RBFOX1: variants seen among roughly 807,000 people sequenced by gnomAD.
The protein encoded by RBFOX1 is RNA binding protein fox-1 homolog 1.
Under a neutral mutation model 57.7 loss-of-function variants are expected in RBFOX1, and 8 were observed. The observed-to-expected ratio is 0.14, with a 90% CI of 0.08 to 0.25. The LOEUF is 0.25. RBFOX1 is among the 10% of genes least tolerant of loss of function. RBFOX1 has a pLI of 1.00. For synonymous variants in RBFOX1, 326 were observed against 222.4 expected (o/e 1.47, Z -4.15); for missense variants, 611 against 548.5 (o/e 1.11, Z -1.14).
intron 1 of RBFOX1, among the ~76,000 whole-genome samples, chr16:6,301,927 A>G (rs2078867389): frequency 1.3e-5 from 2 of 152,186 alleles, no homozygotes; most frequent in South Asian, 2.1e-4. Context: ...TGGCAGAAGA[A>G]CATCCTGAGG....
intron 4 of RBFOX1, among the ~76,000 whole-genome samples, chr16:5,881,550 C>G (rs1597620250): frequency 6.6e-6 from 1 of 152,092 alleles, no homozygotes; most frequent in Non-Finnish European, 1.5e-5. Context: ...TGTGGTGGCA[C>G]ATGCTTATAA....
intron 5 of RBFOX1, among the ~76,000 whole-genome samples, chr16:7,528,665 G>C (rs970636078): frequency 2.6e-5 from 4 of 152,090 alleles, no homozygotes; most frequent in Non-Finnish European, 5.9e-5. Flanking sequence ...GTGTTTTCCA[G>C]TGAACTTAGA....
intron 3 of RBFOX1, among the ~76,000 whole-genome samples, chr16:6,960,903 G>T (rs1206285710): frequency 6.7e-6 from 1 of 150,080 alleles, no homozygotes; most frequent in Non-Finnish European, 1.5e-5. Context: ...GAAGGCCAAG[G>T]TGGGCGGATC....
intron 2 of RBFOX1, among the ~76,000 whole-genome samples, chr16:6,597,751 G>C (rs180991040): frequency 6.6e-6 from 1 of 152,136 alleles, no homozygotes; most frequent in Non-Finnish European, 1.5e-5. Context: ...AGGAAAGGTA[G>C]CCAGGATTTT....
At chr16:5,366,542 A>T (rs2065720975) in intron 1 of RBFOX1, 4 of 404,900 alleles carry the variant, frequency 9.9e-6, no homozygotes, top group Non-Finnish European at 1.9e-5. Flanking sequence ...TCTGTAGAAG[A>T]TGTTAGAGCA....
rs113440236 is a variant in RBFOX1 at position 6,591,511 on chromosome 16, A to G, written c.-63-63092A>G. ...ATGCATATTATACAGAGCCCTTTCT[A>G]AAAAGAACAGCAGGGCGACCCCTGC... is the stretch of plus-strand genomic sequence containing the variant. On this transcript the variant is annotated intron_variant, in intron 2 of 15. Transcript: ENST00000550418. Among the ~76,000 whole-genome samples the G allele has an allele frequency of 2.5e-3, 384 of 152,298 alleles. 2 individuals are homozygous for G. The highest frequency in any genetic ancestry group is 0.01 in the Middle Eastern group (3 of 294).
chr16:7,326,228 G>GCA (rs2096609952), intron 4 of RBFOX1, among the ~76,000 whole-genome samples: 1 of 152,180 alleles, frequency 6.6e-6, no homozygotes, highest in African/African-American at 2.4e-5. Flanking sequence ...TAGAATGGAA[G>GCA]CACACCTGTG....
At chr16:6,142,377 G>T (rs922676682) in intron 1 of RBFOX1, among the ~76,000 whole-genome samples, 1 of 151,286 alleles carries the variant, frequency 6.6e-6, no homozygotes, top group Non-Finnish European at 1.5e-5. Context: ...GCCCGCCTCC[G>T]CACGTGGCTA....
chr16:6,618,021 C>G lies in RBFOX1; in HGVS notation c.-63-36582C>G, dbSNP rs968414084. On this transcript the variant is annotated intron_variant, in intron 2 of 15. Transcript: ENST00000550418. ...TTTCCTATCCACCTGGCAAATACCT[C>G]CTCATATGCATGCAAGACTTTGCTC... is the stretch of plus-strand genomic sequence containing the variant. 3.3e-5 allele frequency among the ~76,000 whole-genome samples: 5 copies of G among 152,248 alleles called. 1 individual carries two copies. The South Asian group carries it at 1.0e-3, about 32-fold the overall frequency.
intron 4 of RBFOX1, among the ~76,000 whole-genome samples, chr16:7,479,715 AG>A (rs928772358): frequency 5.3e-5 from 8 of 151,736 alleles, no homozygotes; most frequent in South Asian, 2.1e-4. Flanking sequence ...GGGCACCTGG[AG>A]GGGGGGCAGG....
chr16:5,364,725 GA>G (rs1461773135), intron 1 of RBFOX1, among the ~76,000 whole-genome samples: 1 of 152,214 alleles, frequency 6.6e-6, no homozygotes, highest in African/African-American at 2.4e-5. Flanking sequence ...ACAGTGAATA[GA>G]ACAAAGGTTG....
At chr16:7,417,293 A>G (rs769895521) in intron 4 of RBFOX1, among the ~76,000 whole-genome samples, 1 of 149,486 alleles carries the variant, frequency 6.7e-6, no homozygotes, top group Non-Finnish European at 1.5e-5. Context: ...GAATCACTTG[A>G]ACCTGGGAGG....
intron 5 of RBFOX1, among the ~76,000 whole-genome samples, chr16:7,550,663 G>A (rs947643092): frequency 6.6e-6 from 1 of 152,044 alleles, no homozygotes; most frequent in Non-Finnish European, 1.5e-5. Context: ...TCTAGAATAG[G>A]TACTATGCCT....
rs547509937 is a variant in RBFOX1 at position 6,426,836 on chromosome 16, C to G, written c.-64+109779C>G. ...ATTCCTGCCACATGTCTCCTGGGTT[C>G]TGCCCATAGCAGGCTCTAGCTCTCA... is the stretch of plus-strand genomic sequence containing the variant. On this transcript the variant is annotated intron_variant, in intron 2 of 15. Transcript: ENST00000550418. Among the ~76,000 whole-genome samples, 22 of 152,330 alleles carry G rather than the reference C, an allele frequency of 1.4e-4. No individual in the cohort carries two copies. The South Asian group carries it at 4.4e-3, about 30-fold the overall frequency.
rs569491562 is a variant in RBFOX1, at chr16:7,549,023, A to G, written c.270+30634A>G. On this transcript the variant is annotated intron_variant, in intron 5 of 15. Transcript: ENST00000550418. ...AGAGTAATGGCTAGCCCAGATGGTG[A>G]TAGGAGAGAAACAGAGAAGAGGGTG... Among the ~76,000 whole-genome samples, 33 of 152,340 alleles carry G rather than the reference A, an allele frequency of 2.2e-4. 1 individual carries two copies. Among genetic ancestry groups the G allele is most frequent in the African/African-American group, 7.9e-4 (33 of 41,586 alleles).
chr16:7,371,443 A>G (rs758272511), intron 4 of RBFOX1, among the ~76,000 whole-genome samples: 1 of 152,194 alleles, frequency 6.6e-6, no homozygotes, highest in Non-Finnish European at 1.5e-5. Context: ...AAAAAGCACC[A>G]TTGTGTATAG....
chr16:5,732,642 C>G (rs1041762264), intron 3 of RBFOX1, among the ~76,000 whole-genome samples: 4 of 152,140 alleles, frequency 2.6e-5, no homozygotes, highest in Non-Finnish European at 5.9e-5. Context: ...CCCTTTTTGG[C>G]AAGAAGTAAC....
chr16:6,061,489 A>G (rs4786079), intron 1 of RBFOX1, among the ~76,000 whole-genome samples: 36,899 of 151,356 alleles, frequency 0.24, 4,806 homozygotes, highest in East Asian at 0.32. Flanking sequence ...ATTGTATAAC[A>G]TATAATGGTA....
chr16:5,263,227 A>G (rs1177915973), intron 1 of RBFOX1, among the ~76,000 whole-genome samples: 1 of 152,120 alleles, frequency 6.6e-6, no homozygotes, highest in East Asian at 1.9e-4. Flanking sequence ...AGGTGATGAG[A>G]TGACTCAGGG....
Sources: gnomAD v4.1 joint callset for allele counts (sites outside exome capture counted in the v4.1 genomes callset) on GRCh38, gnomAD v4.1.1 for gene constraint, MANE v1.5 for transcripts, NCBI Gene and HGNC (gene_info 2026-07-23, HGNC 2026-07-21) for gene names.